The following SHANK2 variants were observed in gnomAD, a reference collection of about 807,000 sequenced individuals.
The protein encoded by SHANK2 is SH3 and multiple ankyrin repeat domains protein 2.
Under a neutral mutation model 133.7 loss-of-function variants are expected in SHANK2, and 43 were observed. The observed-to-expected ratio is 0.32, with a 90% CI of 0.25 to 0.41. SHANK2 has a LOEUF of 0.41. Among genes scored for constraint, SHANK2 ranks in the 10% least tolerant of loss-of-function variants. SHANK2 has a pLI of 1.00. For synonymous variants in SHANK2, 1,017 were observed against 952.8 expected (o/e 1.07, Z -1.24); for missense variants, 1,994 against 2,235.8 (o/e 0.89, Z 2.18).
At chr11:70,815,588 C>A (rs552089423) in intron 12 of SHANK2, among the ~76,000 whole-genome samples, 1 of 152,166 alleles carries the variant, frequency 6.6e-6, no homozygotes, top group Non-Finnish European at 1.5e-5. Flanking sequence ...CTCCTTGGGG[C>A]GCTCGCCATT....
intron 17 of SHANK2, among the ~76,000 whole-genome samples, chr11:70,596,445 AC>A (rs1386908027): frequency 6.6e-6 from 1 of 151,640 alleles, no homozygotes; most frequent in African/African-American, 2.4e-5. Flanking sequence ...AGCTCTGAGG[AC>A]CCCCTACCCG....
chr11:70,540,178 C>A (rs1364945937), intron 17 of SHANK2, among the ~76,000 whole-genome samples: 1 of 152,180 alleles, frequency 6.6e-6, no homozygotes, highest in Non-Finnish European at 1.5e-5. Flanking sequence ...CGTAAGAATC[C>A]AGGGGAACAC....
chr11:70,803,324 A>ATTTGTCAATTCATCTGCCTC (rs1555050975), intron 13 of SHANK2, among the ~76,000 whole-genome samples: 1 of 150,738 alleles, frequency 6.6e-6, no homozygotes, highest in African/African-American at 2.4e-5. Flanking sequence ...CAGCCTACCC[A>ATTTGTCAATTCATCTGCCTC]TCCATCCATC....
intron 17 of SHANK2, among the ~76,000 whole-genome samples, chr11:70,520,123 T>G (rs782487621): frequency 4.6e-5 from 7 of 152,158 alleles, no homozygotes; most frequent in Non-Finnish European, 1.0e-4. Flanking sequence ...ACTCAGTATC[T>G]GGAGTTCCCA....
chr11:70,863,920 C>T (rs1385885982), intron 11 of SHANK2: 2 of 447,334 alleles, frequency 4.5e-6, no homozygotes, highest in Non-Finnish European at 8.9e-6. Context: ...TCACAGGCGT[C>T]CGCCCCCACA....
chr11:70,543,861 G>C (rs1264916370), intron 17 of SHANK2, among the ~76,000 whole-genome samples: 1 of 152,192 alleles, frequency 6.6e-6, no homozygotes. Flanking sequence ...CTCCAGGTGA[G>C]CAGTGCAGAA....
chr11:70,560,157 C>A (rs1554980525), intron 17 of SHANK2, among the ~76,000 whole-genome samples: 2 of 152,146 alleles, frequency 1.3e-5, no homozygotes, highest in Non-Finnish European at 2.9e-5. Context: ...CAGGCGTGAG[C>A]CACCGTGCTC....
At chr11:70,868,116 G>C (rs1337053128) in intron 11 of SHANK2, among the ~76,000 whole-genome samples, 2 of 152,256 alleles carry the variant, frequency 1.3e-5, no homozygotes, top group Non-Finnish European at 2.9e-5. Flanking sequence ...CAGCATAATT[G>C]AAGACACAAA....
At chr11:70,860,645 T>A (rs1395455904) in intron 11 of SHANK2, among the ~76,000 whole-genome samples, 3 of 152,210 alleles carry the variant, frequency 2.0e-5, no homozygotes, top group Non-Finnish European at 4.4e-5. Context: ...AGAAAATGGA[T>A]GAATACTTGT....
At chr11:70,598,592 C>T (rs929618567) in intron 17 of SHANK2, among the ~76,000 whole-genome samples, 3 of 152,102 alleles carry the variant, frequency 2.0e-5, no homozygotes, top group East Asian at 3.8e-4. Flanking sequence ...AGCTTGACTC[C>T]GGTTGGAAAA....
intron 17 of SHANK2, among the ~76,000 whole-genome samples, chr11:70,539,403 C>T (rs193225748): frequency 6.6e-6 from 1 of 152,094 alleles, no homozygotes; most frequent in East Asian, 2.0e-4. Flanking sequence ...GGGGGCCAGA[C>T]TCCGAGTCGG....
intron 14 of SHANK2, among the ~76,000 whole-genome samples, chr11:70,711,340 C>G (rs901291592): frequency 6.6e-6 from 1 of 152,266 alleles, no homozygotes; most frequent in Non-Finnish European, 1.5e-5. Flanking sequence ...CTCCCTCCCA[C>G]GCAGCCTCCT....
chr11:70,825,842 A>T (rs1478100802), intron 11 of SHANK2, among the ~76,000 whole-genome samples: 4 of 152,112 alleles, frequency 2.6e-5, no homozygotes, highest in Non-Finnish European at 5.9e-5. Flanking sequence ...ATTCCACCCA[A>T]CTGTTTCCTT....
intron 11 of SHANK2, among the ~76,000 whole-genome samples, chr11:70,896,072 C>T (rs938067575): frequency 2.6e-5 from 4 of 152,022 alleles, no homozygotes; most frequent in South Asian, 4.2e-4. Context: ...TGGACAAATG[C>T]GTAACGACAT....
intron 10 of SHANK2, among the ~76,000 whole-genome samples, chr11:70,931,156 C>T (rs2135800578): frequency 6.6e-6 from 1 of 152,220 alleles, no homozygotes; most frequent in South Asian, 2.1e-4. Flanking sequence ...CATGACATGT[C>T]CAGAATAGGC....
chr11:70,565,298 G>A (rs954977190), intron 17 of SHANK2, among the ~76,000 whole-genome samples: 2 of 152,188 alleles, frequency 1.3e-5, no homozygotes, highest in African/African-American at 2.4e-5. Context: ...AGGCTGGAGT[G>A]CAGTGGTGCG....
At chr11:70,791,540 C>T (rs1947785863) in intron 14 of SHANK2, among the ~76,000 whole-genome samples, 1 of 152,190 alleles carries the variant, frequency 6.6e-6, no homozygotes, top group Non-Finnish European at 1.5e-5. Context: ...AAACTTCCAC[C>T]CAACTCTTCA....
At chr11:70,482,735 C>T (rs1029448201) in intron 25 of SHANK2, among the ~76,000 whole-genome samples, 1 of 152,166 alleles carries the variant, frequency 6.6e-6, no homozygotes, top group African/African-American at 2.4e-5. Context: ...GGGAGGCGGC[C>T]GTTCTTGGCA....
intron 17 of SHANK2, among the ~76,000 whole-genome samples, chr11:70,508,906 G>A (rs1198915543): frequency 2.6e-5 from 4 of 152,166 alleles, no homozygotes; most frequent in South Asian, 4.2e-4. Flanking sequence ...AGAGAGTCGG[G>A]GGAGTCTGGA....
Sources: gnomAD v4.1 joint callset for allele counts (sites outside exome capture counted in the v4.1 genomes callset) on GRCh38, gnomAD v4.1.1 for gene constraint, MANE v1.5 for transcripts, NCBI Gene and HGNC (gene_info 2026-07-23, HGNC 2026-07-21) for gene names.